TEAD1: variants seen among roughly 807,000 people sequenced by gnomAD.
The protein encoded by TEAD1 is TEA domain transcription factor 1.
In TEAD1, 9 loss-of-function variants were observed where a neutral mutation model predicts 54.9. That is an observed-to-expected ratio of 0.16 (90% CI 0.10 to 0.29). TEAD1 has a LOEUF of 0.29. Among genes scored for constraint, TEAD1 ranks in the 10% least tolerant of loss-of-function variants. The pLI is 1.00. For synonymous variants in TEAD1, 200 were observed against 187.8 expected, an observed-to-expected ratio of 1.07 and a Z score of -0.53; for missense variants, 387 against 535.9, an observed-to-expected ratio of 0.72 and a Z score of 2.74.
At chr11:12,798,382 T>C (rs1590162553) in intron 3 of TEAD1, among the ~76,000 whole-genome samples, 1 of 152,214 alleles carries the variant, frequency 6.6e-6, no homozygotes, top group Admixed American at 6.5e-5. Context: ...ATTTCACTTA[T>C]ATTGATTTTT....
At position 12,938,771 on chromosome 11, in the gene TEAD1, T is replaced by G. The variant is rs1047158037; in HGVS notation, c.*1549T>G. ...GGCCAGATGTTTTGAGTTATTTCCCTTAAGTGTTTCACTGGGGAGAGAACA... is the reference window on the plus strand; with the variant it reads ...GGCCAGATGTTTTGAGTTATTTCCCGTAAGTGTTTCACTGGGGAGAGAACA... On this transcript the variant is annotated 3_prime_UTR_variant, in exon 13 of 13. Transcript: ENST00000527636. 1 of 152,282 alleles carries G rather than the reference T, an allele frequency of 6.6e-6. No individual in the cohort carries two copies. Among genetic ancestry groups the G allele is most frequent in the Non-Finnish European group, 1.5e-5 (1 of 68,054 alleles). 9.4% of individuals were successfully genotyped at this position (152,282 alleles called of 1,614,324 possible).
At chr11:12,774,414 G>T (rs1399736352) in intron 3 of TEAD1, among the ~76,000 whole-genome samples, 1 of 152,168 alleles carries the variant, frequency 6.6e-6, no homozygotes, top group Non-Finnish European at 1.5e-5. Context: ...TTTCTTTGAG[G>T]AGTACATGGC....
chr11:12,779,427 C>T (rs1945499476), intron 3 of TEAD1, among the ~76,000 whole-genome samples: 1 of 152,164 alleles, frequency 6.6e-6, no homozygotes, highest in South Asian at 2.1e-4. Flanking sequence ...GGGTTTAAAT[C>T]CTGGCTTTGC....
At chr11:12,868,468 T>C (rs560027274) in intron 5 of TEAD1, among the ~76,000 whole-genome samples, 2 of 152,260 alleles carry the variant, frequency 1.3e-5, no homozygotes, top group African/African-American at 4.8e-5. Context: ...GAAAACAGAC[T>C]CCAGGAGAGA....
intron 2 of TEAD1, among the ~76,000 whole-genome samples, chr11:12,719,123 A>T (rs1368291061): frequency 6.6e-6 from 1 of 151,708 alleles, no homozygotes; most frequent in Non-Finnish European, 1.5e-5. Context: ...TCAGGACAGG[A>T]CTCAAGTCCT....
At chr11:12,680,058 A>G (rs1447858472) in intron 2 of TEAD1, among the ~76,000 whole-genome samples, 1 of 151,764 alleles carries the variant, frequency 6.6e-6, no homozygotes, top group Non-Finnish European at 1.5e-5. Flanking sequence ...AGAAATACGC[A>G]ATTGTTATGA....
intron 4 of TEAD1, among the ~76,000 whole-genome samples, chr11:12,862,980 A>G (rs1203658906): frequency 6.6e-6 from 1 of 152,186 alleles, no homozygotes; most frequent in East Asian, 1.9e-4. Flanking sequence ...TTAGAACTGG[A>G]ACGAATGAGA....
intron 3 of TEAD1, among the ~76,000 whole-genome samples, chr11:12,790,429 C>T (rs1391829561): frequency 6.6e-6 from 1 of 152,168 alleles, no homozygotes; most frequent in African/African-American, 2.4e-5. Flanking sequence ...CCCTTGGACA[C>T]AGTAGGTACT....
intron 3 of TEAD1, among the ~76,000 whole-genome samples, chr11:12,777,090 G>A (rs1945440549): frequency 6.6e-6 from 1 of 151,664 alleles, no homozygotes; most frequent in Non-Finnish European, 1.5e-5. Flanking sequence ...ACCGCACCCA[G>A]CCTTATTTTT....
intron 10 of TEAD1, among the ~76,000 whole-genome samples, chr11:12,910,389 C>T (rs1402093091): frequency 1.3e-5 from 2 of 152,142 alleles, no homozygotes; most frequent in African/African-American, 4.8e-5. Flanking sequence ...AAACACTGCT[C>T]TAAAGAAAGC....
chr11:12,784,015 T>C (rs1443821207), intron 3 of TEAD1, among the ~76,000 whole-genome samples: 1 of 152,066 alleles, frequency 6.6e-6, no homozygotes, highest in African/African-American at 2.4e-5. Flanking sequence ...CTATCTCCCA[T>C]AAGGAGGCTG....
At chr11:12,871,532 G>A (rs1464601557) in intron 5 of TEAD1, among the ~76,000 whole-genome samples, 3 of 152,200 alleles carry the variant, frequency 2.0e-5, no homozygotes, top group Non-Finnish European at 2.9e-5. Context: ...AGAGTTCCAT[G>A]CAGGAGTCTC....
At chr11:12,814,083 C>T (rs971757779) in intron 3 of TEAD1, among the ~76,000 whole-genome samples, 2 of 152,184 alleles carry the variant, frequency 1.3e-5, no homozygotes, top group African/African-American at 4.8e-5. Context: ...TCCCCTTCAC[C>T]TCCTGCTTGC....
chr11:12,707,950 T>C (rs1943855011), intron 2 of TEAD1, among the ~76,000 whole-genome samples: 1 of 152,248 alleles, frequency 6.6e-6, no homozygotes, highest in African/African-American at 2.4e-5. Flanking sequence ...CTGCAGAGAC[T>C]GCAGCATGAA....
chr11:12,788,431 C>T (rs981242699), intron 3 of TEAD1, among the ~76,000 whole-genome samples: 2 of 152,092 alleles, frequency 1.3e-5, no homozygotes, highest in South Asian at 2.1e-4. Flanking sequence ...CGTGCCTGGC[C>T]AAATCTTCCA....
intron 2 of TEAD1, among the ~76,000 whole-genome samples, chr11:12,741,689 G>C (rs1944652495): frequency 6.6e-6 from 1 of 152,032 alleles, no homozygotes; most frequent in African/African-American, 2.4e-5. Context: ...TATTAGTTCT[G>C]TGTTGGAGAA....
chr11:12,933,457 C>T (rs899420144), intron 12 of TEAD1, among the ~76,000 whole-genome samples: 1 of 152,102 alleles, frequency 6.6e-6, no homozygotes, highest in Non-Finnish European at 1.5e-5. Context: ...CAAATCATCT[C>T]TTATACTTTA....
At chr11:12,866,342 C>T (rs1444941161) in intron 5 of TEAD1, among the ~76,000 whole-genome samples, 2 of 152,180 alleles carry the variant, frequency 1.3e-5, no homozygotes, top group Non-Finnish European at 2.9e-5. Context: ...TCTATTTCTG[C>T]ACTGTCTGTG....
chr11:12,762,709 C>T (rs1945126108), intron 2 of TEAD1, among the ~76,000 whole-genome samples: 2 of 152,032 alleles, frequency 1.3e-5, no homozygotes, highest in African/African-American at 4.8e-5. Flanking sequence ...ATAGTTATAC[C>T]ATTAATTATA....
Sources: allele counts gnomAD v4.1 joint callset (sites outside exome capture counted in the v4.1 genomes callset), GRCh38; gene constraint gnomAD v4.1.1; transcripts MANE v1.5; gene names NCBI Gene and HGNC (gene_info 2026-07-23, HGNC 2026-07-21).